Variants in ZNF516 observed in about 807,000 individuals in gnomAD.
ZNF516 encodes the protein zinc finger protein 516.
ZNF516 carries 19 observed loss-of-function variants against 79.7 expected under a neutral mutation model. That is an observed-to-expected ratio of 0.24 (90% CI 0.17 to 0.35). ZNF516 has a LOEUF of 0.35. ZNF516 is among the 10% of genes least tolerant of loss of function. The probability of loss-of-function intolerance (pLI) is 1.00; values close to 1 mark genes in which losing one functional copy is unlikely to be tolerated. For synonymous variants in ZNF516, 877 were observed against 739.5 expected, an observed-to-expected ratio of 1.19 and a Z score of -3.02; for missense variants, 1,678 against 1,679.5, an observed-to-expected ratio of 1.00 and a Z score of 0.02.
chr18:76,395,405 T>A (rs1599176667), intron 3 of ZNF516, among the ~76,000 whole-genome samples: 3 of 152,010 alleles, frequency 2.0e-5, no homozygotes, highest in African/African-American at 7.3e-5. Context: ...ATGAATGAGG[T>A]GAGTAGGAGT....
At chr18:76,373,818 G>A (rs934125554) in intron 4 of ZNF516, among the ~76,000 whole-genome samples, 9 of 152,358 alleles carry the variant, frequency 5.9e-5, no homozygotes, top group South Asian at 2.1e-4. Flanking sequence ...TTTAAAGACA[G>A]GGCACTTGCC....
chr18:76,492,978 A>G (rs1329613132), intron 1 of ZNF516: 27 of 985,476 alleles, frequency 2.7e-5, no homozygotes, highest in South Asian at 4.7e-5. Flanking sequence ...ATGCACGCGC[A>G]CGCGCGCGCT....
At chr18:76,375,907 G>T (rs1324026889) in intron 4 of ZNF516, among the ~76,000 whole-genome samples, 4 of 147,704 alleles carry the variant, frequency 2.7e-5, no homozygotes, top group Admixed American at 2.7e-4. Context: ...GGTAGAGGAT[G>T]GATGGGAAGG....
intron 1 of ZNF516, among the ~76,000 whole-genome samples, chr18:76,485,639 T>C (rs1267918454): frequency 6.6e-6 from 1 of 152,040 alleles, no homozygotes; most frequent in African/African-American, 2.4e-5. Context: ...AAAATGGAGG[T>C]GGAATCTTCT....
intron 2 of ZNF516, among the ~76,000 whole-genome samples, chr18:76,462,337 C>T (rs1443459540): frequency 6.6e-6 from 1 of 152,236 alleles, no homozygotes; most frequent in African/African-American, 2.4e-5. Context: ...CAACACAAGA[C>T]AGTTCACACC....
chr18:76,439,475 T>C (rs2075786193), intron 3 of ZNF516, among the ~76,000 whole-genome samples: 1 of 152,266 alleles, frequency 6.6e-6, no homozygotes, highest in Admixed American at 6.5e-5. Context: ...TGTCTTGTTA[T>C]AGAATCAGCT....
chr18:76,380,234 C>T lies in ZNF516; in HGVS notation c.1880G>A (p.Ser627Asn). ...CGAGGCGTTATCTCCCATCTTGTGA[C>T]TCTGGTCTCCACTGGAGAGCTCGGT... ...TSTELSSGDQ[S>N]HKMGDNASER... Residue 627 changes from serine (S) to asparagine (N), a missense_variant, in exon 4 of 7, where the codon AGT becomes AAT. Physicochemically the swap from Ser to Asn is conservative, Grantham distance 46. Transcript: ENST00000443185. 5 of 1,614,020 alleles carry T rather than the reference C, an allele frequency of 3.1e-6. No individual in the cohort carries two copies. The highest frequency in any genetic ancestry group is 4.2e-6 in the Non-Finnish European group (5 of 1,179,902).
At chr18:76,491,389 GCCCCCGCCGGCTC>G (rs1471450334) in intron 1 of ZNF516, among the ~76,000 whole-genome samples, 1 of 109,910 alleles carries the variant, frequency 9.1e-6, no homozygotes, top group Non-Finnish European at 1.9e-5. Context: ...CCTCGCTCCC[GCCCCCGCCGGCTC>G]CCCCCGCCCG....
intron 3 of ZNF516, among the ~76,000 whole-genome samples, chr18:76,423,466 G>A (rs1568278634): frequency 6.6e-6 from 1 of 150,406 alleles, no homozygotes; most frequent in Non-Finnish European, 1.5e-5. Context: ...ACACATGCAG[G>A]CGAAAAGGTT....
In ZNF516 at chr18:76,449,722, G is replaced by A. The variant is rs910934822; in HGVS notation, c.-157-6511C>T. Among the ~76,000 whole-genome samples the A allele has an allele frequency of 5.3e-5, 8 of 152,330 alleles. No homozygotes were observed. The South Asian group carries it at 6.2e-4, about 12-fold the overall frequency. On this transcript the variant is annotated intron_variant, in intron 2 of 6. Coordinates refer to ENST00000443185, the MANE Select transcript of ZNF516 (RefSeq NM_014643.4). ...TCTTAGACGGGATTAATAAGTAATT[G>A]TTCAATAAGTGAATGAAATATCAGT...
At position 76,441,369 on chromosome 18, in the gene ZNF516, A is replaced by G. The variant is rs1344869815; in HGVS notation, c.1686T>C (p.Gly562=). The G allele has an allele frequency of 6.2e-6, 10 of 1,610,966 alleles. No homozygotes were observed. Among genetic ancestry groups the G allele is most frequent in the Non-Finnish European group, 7.6e-6 (9 of 1,179,216 alleles). The change falls in exon 3 of 7, where the codon GGT becomes GGC. Residue 562 remains glycine, a synonymous_variant. Transcript: ENST00000443185. ...ARARCGSLSE[G]DSASQPSSPG... ...GGCTGCTGGGCTGGGAGGCCGAGTC[A>G]CCCTCACTGAGTGATCCGCAGCGGG...
chr18:76,394,743 G>A (rs1418589987), intron 3 of ZNF516, among the ~76,000 whole-genome samples: 1 of 2,584 alleles, frequency 3.9e-4, no homozygotes, highest in Non-Finnish European at 8.8e-4. Flanking sequence ...TGGTCAGGTG[G>A]GGGGAGGGCA....
At chr18:76,492,000 G>A (rs985132782) in intron 1 of ZNF516, among the ~76,000 whole-genome samples, 23 of 152,118 alleles carry the variant, frequency 1.5e-4, no homozygotes, top group Non-Finnish European at 2.6e-4. Context: ...TGCAGAAGAG[G>A]AGGACGAAGG....
chr18:76,358,064 C>A lies in ZNF516; in HGVS notation c.*4434G>T, dbSNP rs181495646. The A allele has an allele frequency of 9.1e-4, 138 of 152,310 alleles. 1 individual carries two copies. The highest frequency in any genetic ancestry group is 3.2e-3 in the African/African-American group (133 of 41,564). 9.4% of individuals were successfully genotyped at this position (152,310 alleles called of 1,614,324 possible). ...CTTGTGAATTACCCTAAAACTCTTC[C>A]ATAAATAAAGAGCATTAACACTTTG... is the stretch of plus-strand genomic sequence containing the variant. On this transcript the variant is annotated 3_prime_UTR_variant, in exon 7 of 7. Transcript: ENST00000443185.
At chr18:76,446,236 C>T (rs1238003408) in intron 2 of ZNF516, among the ~76,000 whole-genome samples, 1 of 152,214 alleles carries the variant, frequency 6.6e-6, no homozygotes, top group East Asian at 1.9e-4. Flanking sequence ...CAGTGACCCC[C>T]TCAGAGCCCA....
intron 3 of ZNF516, among the ~76,000 whole-genome samples, chr18:76,399,961 G>A (rs1366067782): frequency 6.6e-6 from 1 of 152,138 alleles, no homozygotes; most frequent in African/African-American, 2.4e-5. Flanking sequence ...TCTCCCAGTG[G>A]GGTGGTTTCA....
At chr18:76,421,255 A>G (rs899844557) in intron 3 of ZNF516, among the ~76,000 whole-genome samples, 3 of 152,214 alleles carry the variant, frequency 2.0e-5, no homozygotes, top group African/African-American at 7.2e-5. Context: ...CAGGGTGTGA[A>G]GTCAAGTTCA....
At position 76,383,482 on chromosome 18, in the gene ZNF516, C is replaced by T. The variant is rs146630698; in HGVS notation, c.1811-3179G>A. Among the ~76,000 whole-genome samples the T allele has an allele frequency of 9.9e-3, 1,409 of 142,020 alleles. 30 individuals are homozygous for T. Among genetic ancestry groups the T allele is most frequent in the Non-Finnish European group, 0.014 (919 of 64,936 alleles). The allele number at this position is 142,020 out of a possible 152,430, so 93.2% of individuals were successfully genotyped here. A position where few individuals can be genotyped will look rare whatever the true frequency, so the allele number is the denominator to read the frequency against. On this transcript the variant is annotated intron_variant, in intron 3 of 6. Transcript: ENST00000443185. ...TCCCCACACCAGGCACCTTCTCAGC[C>T]AGGGACCCAGGACCCTCTTCCCCAC...
At position 76,459,527 on chromosome 18, in the gene ZNF516, C is replaced by T. The variant is rs900132366; in HGVS notation, c.-158+3501G>A. ...GACGTGGCGGCCGTGTGCACCCCAT[C>T]GGGCACCGCGTCGCCTCCCTCGGAA... is the stretch of plus-strand genomic sequence containing the variant. On this transcript the variant is annotated intron_variant, in intron 2 of 6. Coordinates refer to ENST00000443185, the MANE Select transcript of ZNF516 (RefSeq NM_014643.4). This position sits in a 1 kb window ranked among gnomAD's most constrained non-coding sequence, Gnocchi z 5.0. 6.6e-6 allele frequency among the ~76,000 whole-genome samples: 1 copy of T among 152,238 alleles called. No homozygotes were observed. Among genetic ancestry groups the T allele is most frequent in the Non-Finnish European group, 1.5e-5 (1 of 68,042 alleles).
Sources: gnomAD v4.1 joint callset for allele counts (sites outside exome capture counted in the v4.1 genomes callset) on GRCh38, gnomAD v4.1.1 for gene constraint, Gnocchi (gnomAD v3.1) non-coding constraint, MANE v1.5 for transcripts, NCBI Gene and HGNC (gene_info 2026-07-23, HGNC 2026-07-21) for gene names.